The following ME1 variants were observed in gnomAD, a reference collection of about 807,000 sequenced individuals.
The protein encoded by ME1 is malic enzyme 1.
In ME1, 74 loss-of-function variants were observed where a neutral mutation model predicts 66.4. That is an observed-to-expected ratio of 1.11 (90% CI 0.92 to 1.35). The LOEUF (loss-of-function observed/expected upper bound fraction) is 1.35. Ranked by LOEUF, ME1 falls within the 40% of genes most tolerant of loss-of-function variation. The pLI, the probability that ME1 is intolerant of heterozygous loss-of-function variation, is 0.00. For synonymous variants in ME1, 251 were observed against 235.6 expected, an observed-to-expected ratio of 1.07 and a Z score of -0.60; for missense variants, 750 against 694.1, an observed-to-expected ratio of 1.08 and a Z score of -0.90.
chr6:83,401,189 G>A (rs1386780819), intron 2 of ME1, among the ~76,000 whole-genome samples: 1 of 152,034 alleles, frequency 6.6e-6, no homozygotes, highest in East Asian at 1.9e-4. Context: ...TTAAAAATAA[G>A]CCAGGCATGG....
At chr6:83,388,988 G>A (rs1388630498) in intron 3 of ME1, among the ~76,000 whole-genome samples, 2 of 152,074 alleles carry the variant, frequency 1.3e-5, no homozygotes, top group Non-Finnish European at 2.9e-5. Context: ...GCATGGTGGT[G>A]CATGCCTGTA....
At chr6:83,307,285 T>C (rs1338197179) in intron 6 of ME1, among the ~76,000 whole-genome samples, 3 of 151,866 alleles carry the variant, frequency 2.0e-5, no homozygotes, top group Admixed American at 6.6e-5. Flanking sequence ...AAGGAAAATA[T>C]GGCTATAGTT....
Position 83,268,728 on chromosome 6 carries a change from G to GTTATTATTATTATTATTA in ME1, c.705-15008_705-14991dup, listed in dbSNP as rs57723634. ...CCACAGGCGCGCATCACCATGCCCC[G>GTTATTATTATTATTATTA]TTATTATTATTATTATTATTATTAT... On this transcript the variant is annotated intron_variant, in intron 6 of 13. Coordinates refer to ENST00000369705, the MANE Select transcript of ME1 (RefSeq NM_002395.6). Among the ~76,000 whole-genome samples, 1,100 of 143,770 alleles carry GTTATTATTATTATTATTA rather than the reference G, an allele frequency of 7.7e-3. 7 individuals are homozygous for GTTATTATTATTATTATTA. Among genetic ancestry groups the GTTATTATTATTATTATTA allele is most frequent in the African/African-American group, 0.017 (638 of 37,472 alleles). The allele number at this position is 143,770 out of a possible 152,430, so 94.3% of individuals were successfully genotyped here.
In ME1 at chr6:83,410,015, C is replaced by T. The variant is rs546034441; in HGVS notation, c.79-2114G>A. 2.0e-5 allele frequency among the ~76,000 whole-genome samples: 3 copies of T among 152,252 alleles called. No individual in the cohort carries two copies. In the South Asian group the frequency reaches 6.2e-4, roughly 32 times the overall value. Reference sequence around the variant, plus strand: ...TACAATCTGTCAGTCCTTTACCCAGCAGTTCCAGCTGGCACCAGGAGACAT... The same window carrying T: ...TACAATCTGTCAGTCCTTTACCCAGTAGTTCCAGCTGGCACCAGGAGACAT... On this transcript the variant is annotated intron_variant, in intron 1 of 13. Coordinates refer to ENST00000369705, the MANE Select transcript of ME1 (RefSeq NM_002395.6).
chr6:83,283,449 A>C (rs1249232759), intron 6 of ME1, among the ~76,000 whole-genome samples: 2 of 151,904 alleles, frequency 1.3e-5, no homozygotes, highest in Admixed American at 1.3e-4. Context: ...GAGGGAGAGC[A>C]TTAGGACAAA....
intron 6 of ME1, 127 bp downstream of exon 6, chr6:83,315,183 A>G: frequency 1.6e-6 from 1 of 612,638 alleles, no homozygotes; most frequent in Middle Eastern, 4.4e-4. Context: ...GGAAATAGAT[A>G]GGATATATGC....
At position 83,237,767 on chromosome 6, in the gene ME1, T is replaced by C. The variant is rs753215742; in HGVS notation, c.976A>G (p.Lys326Glu). The change falls in exon 9 of 14, where the codon AAA becomes GAA. Residue 326 changes from lysine to glutamate, a missense_variant. Transcript: ENST00000369705. Reference sequence around the variant, plus strand: ...ACCAGCCATATCTTTTTGATGGCTTTCTCTTTTGGTAAACCTTCTTTTTCC... The same window carrying C: ...ACCAGCCATATCTTTTTGATGGCTTCCTCTTTTGGTAAACCTTCTTTTTCC... ...ALEKEGLPKE[K>E]AIKKIWLVDS... 1 of 1,609,624 alleles carries C rather than the reference T, an allele frequency of 6.2e-7. No individual in the cohort carries two copies. The highest frequency in any genetic ancestry group is 2.2e-5 in the East Asian group (1 of 44,630).
chr6:83,272,200 A>G (rs1767093254), intron 6 of ME1, among the ~76,000 whole-genome samples: 1 of 152,192 alleles, frequency 6.6e-6, no homozygotes, highest in South Asian at 2.1e-4. Flanking sequence ...TCCTAGAGAT[A>G]TGACTATGAA....
At chr6:83,221,443 A>G (rs1298423271) in intron 12 of ME1, among the ~76,000 whole-genome samples, 2 of 152,222 alleles carry the variant, frequency 1.3e-5, no homozygotes, top group Admixed American at 6.5e-5. Flanking sequence ...TTACACAGGC[A>G]TACATATGCA....
chr6:83,387,857 A>G (rs182287962), intron 3 of ME1, among the ~76,000 whole-genome samples: 1 of 152,258 alleles, frequency 6.6e-6, no homozygotes, highest in Non-Finnish European at 1.5e-5. Context: ...ATAATCTGTG[A>G]CATTGCCAAA....
Position 83,253,885 on chromosome 6 carries a change from A to G in ME1, c.705-147T>C, listed in dbSNP as rs546323494. The G allele has an allele frequency of 1.0e-4, 52 of 515,990 alleles. 2 individuals carry two copies. In the South Asian group the frequency reaches 1.6e-3, roughly 16 times the overall value. The allele number at this position is 515,990 out of a possible 1,614,324, so 32.0% of individuals were successfully genotyped here. A position where few individuals can be genotyped will look rare whatever the true frequency, so the allele number is the denominator to read the frequency against. On this transcript the variant is annotated intron_variant, in intron 6 of 13. Transcript: ENST00000369705. The stretch of plus-strand genomic sequence containing the variant: ...CTTAAGTATAAATATGTAATATAAT[A>G]TCTGTTCAGCAAATATTTACATGCT...
intron 6 of ME1, among the ~76,000 whole-genome samples, chr6:83,298,731 T>C (rs912923545): frequency 6.6e-6 from 1 of 151,882 alleles, no homozygotes; most frequent in African/African-American, 2.4e-5. Flanking sequence ...CCATCTTGAG[T>C]TAATTTTTGT....
intron 3 of ME1, among the ~76,000 whole-genome samples, chr6:83,390,958 A>G (rs1769608321): frequency 6.6e-6 from 1 of 152,132 alleles, no homozygotes. Flanking sequence ...GAAAGTTCCC[A>G]TAATCAAATA....
At chr6:83,343,727 A>T (rs1768632835) in intron 5 of ME1, among the ~76,000 whole-genome samples, 1 of 152,214 alleles carries the variant, frequency 6.6e-6, no homozygotes, top group African/African-American at 2.4e-5. Flanking sequence ...TACTGGATAG[A>T]AATGTAATAA....
intron 5 of ME1, among the ~76,000 whole-genome samples, chr6:83,331,253 G>T (rs1242168292): frequency 2.6e-5 from 4 of 152,094 alleles, no homozygotes; most frequent in South Asian, 2.1e-4. Context: ...GTTGAATGAG[G>T]TCATTAGAGT....
intron 6 of ME1, among the ~76,000 whole-genome samples, chr6:83,300,615 T>C (rs1383362138): frequency 7.1e-6 from 1 of 140,700 alleles, no homozygotes; most frequent in Non-Finnish European, 1.5e-5. Context: ...TCTTTCTTTT[T>C]TTTTTTTTTT....
intron 6 of ME1, among the ~76,000 whole-genome samples, chr6:83,312,353 C>T (rs949871534): frequency 3.9e-5 from 6 of 152,146 alleles, no homozygotes; most frequent in Non-Finnish European, 7.3e-5. Flanking sequence ...ACCACAGACC[C>T]ACCTGGTGGT....
intron 5 of ME1, among the ~76,000 whole-genome samples, chr6:83,322,145 G>A (rs767423524): frequency 9.2e-5 from 14 of 152,142 alleles, no homozygotes; most frequent in Admixed American, 2.0e-4. Flanking sequence ...AACCCCACGC[G>A]AAGGTCACCA....
chr6:83,307,715 G>A (rs1263503302), intron 6 of ME1, among the ~76,000 whole-genome samples: 4 of 152,194 alleles, frequency 2.6e-5, no homozygotes, highest in Middle Eastern at 3.4e-3. Flanking sequence ...AGAAGAAATG[G>A]AGAAAGAAGG....
Sources: allele counts gnomAD v4.1 joint callset (sites outside exome capture counted in the v4.1 genomes callset), GRCh38; gene constraint gnomAD v4.1.1; transcripts MANE v1.5; gene names NCBI Gene and HGNC (gene_info 2026-07-23, HGNC 2026-07-21).